The following OTOG variants were observed in gnomAD, a reference collection of about 807,000 sequenced individuals.
OTOG encodes the protein otogelin.
In OTOG, 296 loss-of-function variants were observed where a neutral mutation model predicts 313.8. The ratio of observed to expected loss-of-function variants is 0.94; its 90% CI spans 0.86 to 1.04. The LOEUF (loss-of-function observed/expected upper bound fraction) is 1.04, where lower values mean the gene tolerates loss of function less well. OTOG is among the 50% of genes least tolerant of loss of function. The probability of loss-of-function intolerance (pLI) is 0.00; values close to 1 mark genes in which losing one functional copy is unlikely to be tolerated. For missense variants in OTOG, 3,948 were observed against 3,840.1 expected (o/e 1.03, Z -0.74); for synonymous variants, 1,533 against 1,554.9 (o/e 0.99, Z 0.33).
intron 17 of OTOG, among the ~76,000 whole-genome samples, chr11:17,570,934 C>G (rs562053939): frequency 6.6e-6 from 1 of 151,998 alleles, no homozygotes; most frequent in African/African-American, 2.4e-5. Flanking sequence ...TGAGTTTGCA[C>G]GCCGTGAGCC....
rs1852118473 is a variant in OTOG at position 17,559,054 on chromosome 11, C to G, written c.1106C>G (p.Ser369Ter). The change falls in exon 11 of 56, where the codon TCA becomes TGA. Residue 369 changes from serine to a stop codon, truncating the protein, a stop_gained and splice_region_variant. Coordinates refer to ENST00000399397, the MANE Select transcript of OTOG (RefSeq NM_001292063.2). LOFTEE classifies it high-confidence loss of function. ...TGACCCTTGGTTTCTCTGCACAGAT[C>G]AATGGGTGATGTAGCCACCTGGTGC... ...TASCTSDLCQSMGDVATWCRA... is the reference protein window; with the variant it reads ...TASCTSDLCQ The G allele has an allele frequency of 6.5e-7, 1 of 1,548,244 alleles. No homozygotes were observed. The highest frequency in any genetic ancestry group is 8.7e-7 in the Non-Finnish European group (1 of 1,146,748).
chr11:17,644,529 G>A (rs932839283), intron 54 of OTOG, among the ~76,000 whole-genome samples: 1 of 152,210 alleles, frequency 6.6e-6, no homozygotes, highest in Non-Finnish European at 1.5e-5. Context: ...AGAGCCTTGT[G>A]GAGCTGATAT....
intron 23 of OTOG, among the ~76,000 whole-genome samples, chr11:17,585,975 A>T (rs1480890350): frequency 6.6e-6 from 1 of 152,164 alleles, no homozygotes; most frequent in Non-Finnish European, 1.5e-5. Flanking sequence ...ATCTAGCGTG[A>T]TGCTATGGCC....
At chr11:17,598,630 T>C (rs892422535) in intron 30 of OTOG, among the ~76,000 whole-genome samples, 8 of 152,276 alleles carry the variant, frequency 5.3e-5, no homozygotes, top group Middle Eastern at 3.4e-3. Context: ...TCACTGACGT[T>C]AAGTAATTTG....
intron 40 of OTOG, among the ~76,000 whole-genome samples, 200 bp downstream of exon 40, chr11:17,629,516 G>A (rs1429268944): frequency 1.3e-5 from 2 of 152,200 alleles, no homozygotes; most frequent in African/African-American, 2.4e-5. Context: ...AGAGGGCTCT[G>A]GACTCAGCCA....
At chr11:17,593,417 A>G in intron 26 of OTOG, 90 bp downstream of exon 26, 3 of 1,478,238 alleles carry the variant, frequency 2.0e-6, no homozygotes, top group Non-Finnish European at 2.7e-6. Flanking sequence ...CTTCCTTACC[A>G]TAGCAGTTTC....
intron 39 of OTOG, among the ~76,000 whole-genome samples, chr11:17,620,933 C>T (rs1853849889): frequency 6.6e-6 from 1 of 152,184 alleles, no homozygotes; most frequent in African/African-American, 2.4e-5. Flanking sequence ...TATTTTTCAT[C>T]TGCACAAGTT....
intron 48 of OTOG, 183 bp downstream of exon 48, chr11:17,638,732 C>T (rs975467594): frequency 9.7e-6 from 15 of 1,545,678 alleles, no homozygotes; most frequent in Non-Finnish European, 1.3e-5. Context: ...AGCATTCCTA[C>T]AGCCTTTTCT....
intron 15 of OTOG, among the ~76,000 whole-genome samples, chr11:17,567,391 T>C (rs1231210805): frequency 6.6e-6 from 1 of 152,266 alleles, no homozygotes; most frequent in East Asian, 1.9e-4. Flanking sequence ...TTTCACTGTG[T>C]CACTCTCCTG....
At chr11:17,640,568 G>A (rs1008622974) in intron 49 of OTOG, among the ~76,000 whole-genome samples, 177 bp from the exon 50 acceptor site, 1 of 152,204 alleles carries the variant, frequency 6.6e-6, no homozygotes, top group Non-Finnish European at 1.5e-5. Flanking sequence ...CATTGGGGAG[G>A]CCTGGTAGCC....
intron 15 of OTOG, among the ~76,000 whole-genome samples, chr11:17,566,580 C>G (rs1852297568): frequency 6.6e-6 from 1 of 152,216 alleles, no homozygotes. Flanking sequence ...ATGGATCATT[C>G]TAGCTTCCTC....
At chr11:17,574,981 A>T in intron 20 of OTOG, 69 bp downstream of exon 20, 1 of 1,387,568 alleles carries the variant, frequency 7.2e-7, no homozygotes, top group Non-Finnish European at 9.5e-7. Context: ...GGCATCTGAG[A>T]CTGGGGAACC....
At chr11:17,605,750 G>A (rs369734155) in intron 32 of OTOG, 107 bp from the exon 33 acceptor site, 3 of 1,270,056 alleles carry the variant, frequency 2.4e-6, no homozygotes, top group Non-Finnish European at 2.1e-6. Context: ...GTCTGCAGGC[G>A]TGCTGCCATC....
chr11:17,635,026 A>G (rs1210843236), intron 45 of OTOG, 54 bp from the exon 46 acceptor site: 1 of 1,533,930 alleles, frequency 6.5e-7, no homozygotes, highest in Non-Finnish European at 8.8e-7. Context: ...GCAGGGGCCC[A>G]GGGGTGGCCA....
intron 7 of OTOG, among the ~76,000 whole-genome samples, chr11:17,556,256 G>T (rs989369660): frequency 6.6e-6 from 1 of 152,128 alleles, no homozygotes; most frequent in Non-Finnish European, 1.5e-5. Flanking sequence ...AGCAGATTCG[G>T]AGTACACTTC....
intron 36 of OTOG, among the ~76,000 whole-genome samples, chr11:17,611,944 G>C (rs1453654319): frequency 6.6e-6 from 1 of 152,156 alleles, no homozygotes; most frequent in African/African-American, 2.4e-5. Flanking sequence ...CAGATCTGCA[G>C]AGGTCTCAGG....
chr11:17,637,126 T>A (rs765921962), intron 47 of OTOG, among the ~76,000 whole-genome samples: 5 of 152,178 alleles, frequency 3.3e-5, no homozygotes, highest in Non-Finnish European at 7.3e-5. Context: ...GCTAGATAAT[T>A]CCACTGCCAA....
chr11:17,558,571 C>T lies in OTOG; in HGVS notation c.1030C>T (p.Pro344Ser). Residue 344 changes from proline (P) to serine (S), a missense_variant, in exon 10 of 56, where the codon CCC becomes TCC. By Grantham distance (74) the Pro-to-Ser change is moderately conservative. Transcript: ENST00000399397. ...VYEQCEALLR[P>S]PFDACHAYVS... Reference sequence around the variant, plus strand: ...CGAGCAGTGTGAGGCTCTACTGCGGCCCCCCTTTGACGCCTGCCACGCCTA... The same window carrying T: ...CGAGCAGTGTGAGGCTCTACTGCGGTCCCCCTTTGACGCCTGCCACGCCTA... 6.4e-7 allele frequency: 1 copy of T among 1,550,426 alleles called. No homozygotes were observed. Among genetic ancestry groups the T allele is most frequent in the South Asian group, 1.2e-5 (1 of 84,066 alleles).
At position 17,609,815 on chromosome 11, in the gene OTOG, C is replaced by A; in HGVS notation, c.4515C>A (p.Leu1505=). The change falls in exon 36 of 56, where the codon CTC becomes CTA. Residue 1505 remains leucine, a synonymous_variant. Coordinates refer to ENST00000399397, the MANE Select transcript of OTOG (RefSeq NM_001292063.2). ...HRPALTPAAP[L]TTALNPPVTA... ...CAGCCCTCACCCCAGCTGCCCCACT[C>A]ACCACAGCCCTGAACCCACCAGTGA... 6.5e-7 allele frequency: 1 copy of A among 1,542,466 alleles called. No homozygotes were observed. Among genetic ancestry groups the A allele is most frequent in the East Asian group, 2.4e-5 (1 of 40,850 alleles).
Sources: gnomAD v4.1 joint callset for allele counts (sites outside exome capture counted in the v4.1 genomes callset) on GRCh38, gnomAD v4.1.1 for gene constraint, MANE v1.5 for transcripts, NCBI Gene and HGNC (gene_info 2026-07-23, HGNC 2026-07-21) for gene names.